The following TLE3 variants were observed in gnomAD, a reference collection of about 807,000 sequenced individuals.
TLE3 encodes the protein transducin-like enhancer protein 3.
TLE3 carries 14 observed loss-of-function variants against 93.0 expected under a neutral mutation model. That is an observed-to-expected ratio of 0.15 (90% confidence interval 0.10 to 0.24). TLE3 has a LOEUF of 0.24. TLE3 is among the 10% of genes least tolerant of loss of function. The pLI, the probability that TLE3 is intolerant of heterozygous loss-of-function variation, is 1.00. For synonymous variants in TLE3, 451 were observed against 425.0 expected (o/e 1.06, Z -0.75); for missense variants, 693 against 1,046.6 (o/e 0.66, Z 4.66).
Position 70,050,193 on chromosome 15 carries a change from G to A in TLE3, c.2214C>T (p.Ser738=). The A allele has an allele frequency of 1.2e-6, 2 of 1,613,920 alleles. No individual in the cohort carries two copies. The highest frequency in any genetic ancestry group is 1.7e-6 in the Non-Finnish European group (2 of 1,179,802). The change falls in exon 20 of 20, where the codon TCC becomes TCT. Residue 738 remains serine (S), a synonymous_variant. Transcript: ENST00000451782. ...YGASIFQSKE[S]SSVLSCDISA... ...AAATGTCACAACTCAAGACAGACGAGGATTCTTTAGACTGGAGGAGGAAGA... is the reference window on the plus strand; with the variant it reads ...AAATGTCACAACTCAAGACAGACGAAGATTCTTTAGACTGGAGGAGGAAGA...
At chr15:70,066,955 G>T (rs533153466) in intron 6 of TLE3, 1 of 357,912 alleles carries the variant, frequency 2.8e-6, no homozygotes, top group South Asian at 2.0e-5. Flanking sequence ...AAGGGGGAAA[G>T]CAGCAGACCC....
chr15:70,074,513 A>C lies in TLE3; in HGVS notation c.372+20T>G. 2 of 1,608,422 alleles carry C rather than the reference A, an allele frequency of 1.2e-6. No homozygotes were observed. Among genetic ancestry groups the C allele is most frequent in the African/African-American group, 1.3e-5 (1 of 74,994 alleles). ...AAGGGCTATACACACGGTAAGAGGC[A>C]GATTGGGGAGTCCACGTACCCCGAT... On this transcript the variant is annotated intron_variant, in intron 6 of 19. Transcript: ENST00000451782.
At position 70,057,579 on chromosome 15, in the gene TLE3, G is replaced by A. The variant is rs756123008; in HGVS notation, c.1131C>T (p.Asn377=). The A allele has an allele frequency of 1.2e-5, 19 of 1,599,640 alleles. No homozygotes were observed. The African/African-American group carries it at 1.2e-4, about 10-fold the overall frequency. ...PFAMMSHHEM[N]GSLTSPGAYA... ...AGGCGCCAGGACTGGTGAGGGAGCCGTTCATCTCATGGTGGCTCATCATGG... is the reference window on the plus strand; with the variant it reads ...AGGCGCCAGGACTGGTGAGGGAGCCATTCATCTCATGGTGGCTCATCATGG... The change falls in exon 13 of 20, where the codon AAC becomes AAT. Residue 377 remains asparagine (N), a synonymous_variant. Transcript: ENST00000451782.
chr15:70,090,033 T>C (rs915797681), intron 4 of TLE3, among the ~76,000 whole-genome samples: 1 of 152,066 alleles, frequency 6.6e-6, no homozygotes, highest in South Asian at 2.1e-4. Context: ...CAATGACAAA[T>C]GCACAAGAAG....
In TLE3 at chr15:70,058,188, G is replaced by A. The variant is rs761057402; in HGVS notation, c.1022C>T (p.Pro341Leu). 2.0e-5 allele frequency: 33 copies of A among 1,613,832 alleles called. No homozygotes were observed. The South Asian group carries it at 2.1e-4, about 10-fold the overall frequency. Residue 341 changes from proline (P) to leucine (L), a missense_variant, in exon 12 of 20, where the codon CCG becomes CTG. Pro to Leu is a moderately conservative substitution (Grantham distance 98). Transcript: ENST00000451782. This position sits in a 1 kb window ranked among gnomAD's most constrained non-coding sequence, Gnocchi z 4.1. The part of the protein sequence containing the change: ...TSTTPGLRSM[P>L]GKPPGMDPIA... ...CGGGTCCATGCCCGGAGGTTTACCCGGCATCGACCTGAGCCCTGGGGTCGT... is the reference window on the plus strand; with the variant it reads ...CGGGTCCATGCCCGGAGGTTTACCCAGCATCGACCTGAGCCCTGGGGTCGT...
At chr15:70,056,691 A>G (rs1451872100) in intron 13 of TLE3, among the ~76,000 whole-genome samples, 1 of 152,158 alleles carries the variant, frequency 6.6e-6, no homozygotes, top group East Asian at 1.9e-4. Flanking sequence ...AGGCCACCCC[A>G]GGTCCAGGAG....
In TLE3 at chr15:70,095,567, C is replaced by T. The variant is rs903902314; in HGVS notation, c.189+11G>A. On this transcript the variant is annotated intron_variant, in intron 3 of 19. Coordinates refer to ENST00000451782, the MANE Select transcript of TLE3 (RefSeq NM_001105192.3). ...CCCCAACCGCCCCCCAGGCCCGCGG[C>T]CGCATCTCACCATCACATAATGGCG... The T allele has an allele frequency of 6.4e-7, 1 of 1,550,418 alleles. No homozygotes were observed. Among genetic ancestry groups the T allele is most frequent in the African/African-American group, 1.4e-5 (1 of 73,134 alleles).
chr15:70,058,721 G>A lies in TLE3; in HGVS notation c.860C>T (p.Pro287Leu). ...GCTACTGGAAGAGGCCACCGAGGCA[G>A]GGCTGGTGGGGGCATCTTTTTTCAG... ...RSLKKDAPTS[P>L]ASVASSSSTP... The change falls in exon 11 of 20, where the codon CCT becomes CTT. Residue 287 changes from proline (P) to leucine (L), a missense_variant. By Grantham distance (98) the Pro-to-Leu change is moderately conservative. This residue lies in a region of TLE3 where 405 missense variants were observed against 468.9 expected (regional missense o/e 0.86). Transcript: ENST00000451782. The surrounding 1 kb of genome is among the most constrained non-coding windows in gnomAD (Gnocchi z 4.1). The A allele has an allele frequency of 6.2e-7, 1 of 1,609,698 alleles. No homozygotes were observed. Among genetic ancestry groups the A allele is most frequent in the Non-Finnish European group, 8.5e-7 (1 of 1,178,176 alleles).
rs1350882604 is a variant in TLE3 at position 70,054,585 on chromosome 15, G to A, written c.1679C>T (p.Ser560Leu). 1.2e-6 allele frequency: 2 copies of A among 1,613,320 alleles called. No individual in the cohort carries two copies. Among genetic ancestry groups the A allele is most frequent in the East Asian group, 2.2e-5 (1 of 44,870 alleles). Residue 560 changes from serine (S) to leucine (L), a missense_variant, in exon 16 of 20, where the codon TCG (serine) becomes TTG (leucine). Transcript: ENST00000451782. Reference protein sequence around the residue: ...ASTLTIWDLASPTPRIKAELT... With the variant: ...ASTLTIWDLALPTPRIKAELT... ...CTCGGCCTTGATGCGGGGCGTGGGC[G>A]AGGCCAGGTCCCAGATGGTGAGCGT...
At position 70,057,624 on chromosome 15, in the gene TLE3, G is replaced by A; in HGVS notation, c.1086C>T (p.Ser362=). The change falls in exon 13 of 20, where the codon AGC becomes AGT. Residue 362 remains serine (S), a synonymous_variant. Coordinates refer to ENST00000451782, the MANE Select transcript of TLE3 (RefSeq NM_001105192.3). ...TCATGGCGAAGGGCGCCGCATAGGA[G>A]CTGGTGATGGAGATGGGCGTGCGCA... ...SALRTPISIT[S]SYAAPFAMMS... is the part of the protein sequence containing the mutation. 1 of 1,586,770 alleles carries A rather than the reference G, an allele frequency of 6.3e-7. No individual in the cohort carries two copies. The highest frequency in any genetic ancestry group is 8.5e-7 in the Non-Finnish European group (1 of 1,169,778).
Position 70,097,067 on chromosome 15 carries a change from G to A in TLE3, c.-269C>T, listed in dbSNP as rs1005531300. The stretch of plus-strand genomic sequence containing the variant: ...GGGCTTTGTGCGCCTAGGGCTCGGC[G>A]GGCAGCGGCCGGCCGCCTTCCCTGG... On this transcript the variant is annotated 5_prime_UTR_variant, in exon 1 of 20. Transcript: ENST00000451782. 13 of 494,564 alleles carry A rather than the reference G, an allele frequency of 2.6e-5. No individual in the cohort carries two copies. The Admixed American group carries it at 5.2e-4, about 20-fold the overall frequency. 30.6% of individuals were successfully genotyped at this position (494,564 alleles called of 1,614,324 possible). A position where few individuals can be genotyped will look rare whatever the true frequency, so the allele number is the denominator to read the frequency against.
At chr15:70,088,350 C>G (rs533579329) in intron 4 of TLE3, among the ~76,000 whole-genome samples, 11 of 152,270 alleles carry the variant, frequency 7.2e-5, no homozygotes, top group African/African-American at 2.6e-4. Context: ...GGCGGCAGGA[C>G]GTTTCCCCCT....
At chr15:70,065,692 A>G (rs570828031) in intron 7 of TLE3, among the ~76,000 whole-genome samples, 1 of 152,370 alleles carries the variant, frequency 6.6e-6, no homozygotes, top group South Asian at 2.1e-4. Context: ...TAGTCTGACC[A>G]GGAAGGCATC....
chr15:70,076,437 T>C (rs1423744783), intron 4 of TLE3, among the ~76,000 whole-genome samples: 5 of 152,126 alleles, frequency 3.3e-5, no homozygotes, highest in African/African-American at 1.2e-4. Context: ...ATAGTTTGCA[T>C]CCTCTGGATG....
chr15:70,096,120 C>T (rs1176464421), intron 2 of TLE3, 41 bp downstream of exon 2: 2 of 1,535,610 alleles, frequency 1.3e-6, no homozygotes, highest in South Asian at 1.2e-5. Flanking sequence ...AGGGGACCCA[C>T]CCCTCCCCGC....
In TLE3 at chr15:70,060,653, G is replaced by A. The variant is rs549714535; in HGVS notation, c.595-4C>T. The A allele has an allele frequency of 8.6e-5, 138 of 1,613,554 alleles. No individual in the cohort carries two copies. The highest frequency in any genetic ancestry group is 3.1e-4 in the East Asian group (14 of 44,864). On this transcript the variant is annotated splice_region_variant and splice_polypyrimidine_tract_variant and intron_variant, in intron 8 of 19. Transcript: ENST00000451782. Reference sequence around the variant, plus strand: ...CCGAGGGTGACACAGAGTTATTCTGGAAGGAAAAAGAGGGTTCGGGGTTAA... The same window carrying A: ...CCGAGGGTGACACAGAGTTATTCTGAAAGGAAAAAGAGGGTTCGGGGTTAA...
At chr15:70,088,412 G>A (rs1216391073) in intron 4 of TLE3, among the ~76,000 whole-genome samples, 3 of 152,064 alleles carry the variant, frequency 2.0e-5, no homozygotes, top group Non-Finnish European at 4.4e-5. Flanking sequence ...ATTTTATAAA[G>A]AATTTTTTTT....
In TLE3 at chr15:70,058,329, G is replaced by A; in HGVS notation, c.919-38C>T. On this transcript the variant is annotated intron_variant, in intron 11 of 19. Coordinates refer to ENST00000451782, the MANE Select transcript of TLE3 (RefSeq NM_001105192.3). The surrounding 1 kb of genome is among the most constrained non-coding windows in gnomAD (Gnocchi z 4.1). Reference sequence around the variant, plus strand: ...GATGCAGAACAAGGGAGGCCATGAGGCTTCCATTCTCCTAGGAGCCGGGCA... The same window carrying A: ...GATGCAGAACAAGGGAGGCCATGAGACTTCCATTCTCCTAGGAGCCGGGCA... 1 of 1,558,988 alleles carries A rather than the reference G, an allele frequency of 6.4e-7. No individual in the cohort carries two copies. Among genetic ancestry groups the A allele is most frequent in the Non-Finnish European group, 8.7e-7 (1 of 1,150,750 alleles).
chr15:70,095,817 G>T, intron 2 of TLE3, 176 bp from the exon 3 acceptor site: 2 of 757,370 alleles, frequency 2.6e-6, no homozygotes, highest in Non-Finnish European at 2.1e-6. Flanking sequence ...TGGGGAGGGG[G>T]ATGTGAAACA....
Sources: allele counts gnomAD v4.1 joint callset (sites outside exome capture counted in the v4.1 genomes callset), GRCh38; gene constraint gnomAD v4.1.1; regional missense constraint gnomAD v4.1.1; non-coding constraint Gnocchi (gnomAD v3.1); transcripts MANE v1.5; gene names NCBI Gene and HGNC (gene_info 2026-07-23, HGNC 2026-07-21).